Variants in DCUN1D3 observed in about 807,000 individuals in gnomAD.
DCUN1D3 encodes the protein defective in cullin neddylation 1 domain containing 3, also known as DCN1-like protein 3.
Under a neutral mutation model 24.8 loss-of-function variants are expected in DCUN1D3, and 6 were observed. The ratio of observed to expected loss-of-function variants is 0.24; its 90% CI spans 0.13 to 0.48. The LOEUF (loss-of-function observed/expected upper bound fraction) is 0.48. Among genes scored for constraint, DCUN1D3 ranks in the 20% least tolerant of loss-of-function variants. The pLI, the probability that DCUN1D3 is intolerant of heterozygous loss-of-function variation, is 0.99. For missense variants in DCUN1D3, 258 were observed against 379.4 expected, an observed-to-expected ratio of 0.68 and a Z score of 2.66; for synonymous variants, 120 against 144.9, an observed-to-expected ratio of 0.83 and a Z score of 1.24.
At chr16:20,894,224 A>G (rs527256658) in intron 1 of DCUN1D3, among the ~76,000 whole-genome samples, 1 of 152,266 alleles carries the variant, frequency 6.6e-6, no homozygotes, top group East Asian at 1.9e-4. Context: ...AGCCTTGATC[A>G]TGCCACTGCA....
intron 1 of DCUN1D3, among the ~76,000 whole-genome samples, chr16:20,882,003 G>A (rs2081846353): frequency 2.0e-5 from 3 of 151,922 alleles, no homozygotes; most frequent in South Asian, 2.1e-4. Flanking sequence ...GGGTTTTGCC[G>A]TGTTGGTCAG....
In DCUN1D3 at chr16:20,862,435, C is replaced by T; in HGVS notation, c.104G>A (p.Gly35Asp). ...GGGTGGTACCTGCTCCTCACGGTGGCCTGCACCCCTCCTGCTATGTGACTT... is the reference window on the plus strand; with the variant it reads ...GGGTGGTACCTGCTCCTCACGGTGGTCTGCACCCCTCCTGCTATGTGACTT... ...SNKSHSRRGA[G>D]HREEQVPPCG... Residue 35 changes from glycine to aspartate, a missense_variant, in exon 2 of 3, where the codon GGC (glycine) becomes GAC (aspartate). Gly to Asp is a moderately conservative substitution (Grantham distance 94, BLOSUM62 -1). Transcript: ENST00000324344. 6.2e-7 allele frequency: 1 copy of T among 1,613,810 alleles called. No individual in the cohort carries two copies. Among genetic ancestry groups the T allele is most frequent in the Non-Finnish European group, 8.5e-7 (1 of 1,180,020 alleles).
At chr16:20,886,064 G>GA (rs34484157) in intron 1 of DCUN1D3, among the ~76,000 whole-genome samples, 79,678 of 136,366 alleles carry the variant, frequency 0.58, 24,581 homozygotes, top group Non-Finnish European at 0.73. Flanking sequence ...TTTTTTCATT[G>GA]AAAAAAAAAA....
intron 1 of DCUN1D3, among the ~76,000 whole-genome samples, chr16:20,865,674 T>C (rs2081758362): frequency 6.6e-6 from 1 of 152,192 alleles, no homozygotes; most frequent in African/African-American, 2.4e-5. Context: ...TGGACCTCTA[T>C]GATCCAAACT....
At chr16:20,876,698 C>T (rs2081817426) in intron 1 of DCUN1D3, among the ~76,000 whole-genome samples, 1 of 152,126 alleles carries the variant, frequency 6.6e-6, no homozygotes, top group Admixed American at 6.5e-5. Flanking sequence ...ATGGAATCCA[C>T]CTGAGTGCCC....
At chr16:20,889,893 T>C (rs1596640146) in intron 1 of DCUN1D3, among the ~76,000 whole-genome samples, 1 of 152,032 alleles carries the variant, frequency 6.6e-6, no homozygotes, top group Non-Finnish European at 1.5e-5. Context: ...TTTCTGAGCT[T>C]TGGGGAGGGG....
At chr16:20,895,763 A>G (rs545776379) in intron 1 of DCUN1D3, among the ~76,000 whole-genome samples, 23 of 152,354 alleles carry the variant, frequency 1.5e-4, no homozygotes, top group Non-Finnish European at 3.1e-4. Context: ...CACTAACTCA[A>G]TTAACCCTGG....
chr16:20,896,475 C>A (rs2081916365), intron 1 of DCUN1D3: 1 of 152,186 alleles, frequency 6.6e-6, no homozygotes, highest in Non-Finnish European at 1.5e-5. Flanking sequence ...TGGATTCTTT[C>A]CCCAAACACA....
chr16:20,879,073 G>T (rs533179525), intron 1 of DCUN1D3, among the ~76,000 whole-genome samples: 1 of 152,294 alleles, frequency 6.6e-6, no homozygotes, highest in Admixed American at 6.5e-5. Context: ...CAACACCGGT[G>T]ACTTTTCTAG....
At chr16:20,899,320 G>A (rs989030305) in intron 1 of DCUN1D3, among the ~76,000 whole-genome samples, 4 of 152,146 alleles carry the variant, frequency 2.6e-5, no homozygotes, top group African/African-American at 9.7e-5. Flanking sequence ...CTTGATTCCT[G>A]GGCTATGATG....
Position 20,862,496 on chromosome 16 carries a change from G to C in DCUN1D3, c.43C>G (p.Leu15Val), listed in dbSNP as rs763189938. 1.2e-6 allele frequency: 2 copies of C among 1,609,134 alleles called. No homozygotes were observed. Among genetic ancestry groups the C allele is most frequent in the African/African-American group, 1.3e-5 (1 of 75,054 alleles). ...TCACGGTCTCCATTTTTGCTGCCCA[G>C]GGTCGATGAGGGATTCTTACACTTG... Reference protein sequence around the residue: ...VTKCKNPSSTLGSKNGDREPS... With the variant: ...VTKCKNPSSTVGSKNGDREPS... The change falls in exon 2 of 3, where the codon CTG becomes GTG. Residue 15 changes from leucine to valine, a missense_variant. Physicochemically the swap from Leu to Val is conservative, Grantham distance 32. Transcript: ENST00000324344.
chr16:20,864,885 C>A (rs1024297249), intron 1 of DCUN1D3, among the ~76,000 whole-genome samples: 1 of 152,142 alleles, frequency 6.6e-6, no homozygotes, highest in Non-Finnish European at 1.5e-5. Context: ...CAAACTAACG[C>A]AGGGACAGAA....
chr16:20,890,861 C>T (rs867301489), intron 1 of DCUN1D3, among the ~76,000 whole-genome samples: 3 of 151,614 alleles, frequency 2.0e-5, no homozygotes, highest in Non-Finnish European at 4.4e-5. Context: ...GCTTGCAGGT[C>T]GGCACTAGCA....
chr16:20,856,978 G>A lies in DCUN1D3; in HGVS notation c.*2908C>T, dbSNP rs537070804. On this transcript the variant is annotated 3_prime_UTR_variant, in exon 3 of 3. Coordinates refer to ENST00000324344, the MANE Select transcript of DCUN1D3 (RefSeq NM_173475.4). ...CAAGGAGTGTACTGGCTTATCTGAGGGGCATGCATTCAGCCTCTTACACAG... is the reference window on the plus strand; with the variant it reads ...CAAGGAGTGTACTGGCTTATCTGAGAGGCATGCATTCAGCCTCTTACACAG... 1.3e-5 allele frequency: 2 copies of A among 152,136 alleles called. No homozygotes were observed. The highest frequency in any genetic ancestry group is 2.1e-4 in the South Asian group (1 of 4,826). 9.4% of individuals were successfully genotyped at this position (152,136 alleles called of 1,614,324 possible).
chr16:20,871,005 A>G (rs1280885315), intron 1 of DCUN1D3, among the ~76,000 whole-genome samples: 2 of 152,212 alleles, frequency 1.3e-5, no homozygotes, highest in Non-Finnish European at 2.9e-5. Flanking sequence ...ATGACCTGAG[A>G]AAAAGACGGA....
At chr16:20,879,056 A>G (rs1448486020) in intron 1 of DCUN1D3, among the ~76,000 whole-genome samples, 1 of 152,222 alleles carries the variant, frequency 6.6e-6, no homozygotes, top group Non-Finnish European at 1.5e-5. Context: ...GGGTAGAAAG[A>G]GAATAGCAAC....
rs1596632223 is a variant in DCUN1D3, at chr16:20,870,945, T to A, written c.-105-8302A>T. 2.0e-5 allele frequency among the ~76,000 whole-genome samples: 3 copies of A among 151,712 alleles called. No homozygotes were observed. In the South Asian group the frequency reaches 6.3e-4, roughly 32 times the overall value. On this transcript the variant is annotated intron_variant, in intron 1 of 2. Transcript: ENST00000324344. ...ACTGGCACAGCCATCCTCCGGAGAG[T>A]CTCAAGGACCACAGGAGCCCCTTGA...
intron 2 of DCUN1D3, among the ~76,000 whole-genome samples, chr16:20,861,034 T>C (rs1286269239): frequency 6.6e-6 from 1 of 152,130 alleles, no homozygotes; most frequent in Admixed American, 6.5e-5. Flanking sequence ...GTGGGGGGCA[T>C]GCAAACTACA....
intron 1 of DCUN1D3, among the ~76,000 whole-genome samples, chr16:20,874,858 A>T (rs1202430608): frequency 6.6e-6 from 1 of 151,980 alleles, no homozygotes; most frequent in African/African-American, 2.4e-5. Flanking sequence ...ACAAATGCTC[A>T]TGTAGCATGA....
Sources: allele counts gnomAD v4.1 joint callset (sites outside exome capture counted in the v4.1 genomes callset), GRCh38; gene constraint gnomAD v4.1.1; transcripts MANE v1.5; gene names NCBI Gene and HGNC (gene_info 2026-07-23, HGNC 2026-07-21).